Variants in CYP2B6 observed in about 807,000 individuals in gnomAD.
The protein encoded by CYP2B6 is cytochrome P450 2B6.
Under a neutral mutation model 43.4 loss-of-function variants are expected in CYP2B6, and 35 were observed. That is an observed-to-expected ratio of 0.81 (90% CI 0.62 to 1.07). CYP2B6 has a LOEUF of 1.07. Ranked by LOEUF, CYP2B6 falls within the 50% of genes least tolerant of loss-of-function variation. CYP2B6 has a pLI of 0.00. For missense variants in CYP2B6, 624 were observed against 632.8 expected, an observed-to-expected ratio of 0.99 and a Z score of 0.15; for synonymous variants, 239 against 239.2, an observed-to-expected ratio of 1.00 and a Z score of 0.01.
intron 1 of CYP2B6, among the ~76,000 whole-genome samples, chr19:40,996,990 G>A: frequency 6.6e-6 from 1 of 152,104 alleles, no homozygotes; most frequent in Non-Finnish European, 1.5e-5. Flanking sequence ...TGGGCATGAA[G>A]AGGTGTCTGG....
chr19:41,009,648 G>A (rs918449611), intron 5 of CYP2B6: 5 of 611,752 alleles, frequency 8.2e-6, no homozygotes, highest in Non-Finnish European at 1.4e-5. Context: ...AAAGACAGAG[G>A]GAGAGAGAGA....
chr19:41,013,656 C>G (rs1231382319), intron 8 of CYP2B6, among the ~76,000 whole-genome samples: 4 of 152,214 alleles, frequency 2.6e-5, no homozygotes, highest in Non-Finnish European at 5.9e-5. Context: ...GATTTATGGT[C>G]TAGCACTGGG....
chr19:41,009,532 A>G, intron 5 of CYP2B6, 137 bp downstream of exon 5: 1 of 954,084 alleles, frequency 1.0e-6, no homozygotes, highest in Non-Finnish European at 1.6e-6. Flanking sequence ...GAATAGGGAA[A>G]GGGAGGAGAG....
intron 6 of CYP2B6, among the ~76,000 whole-genome samples, chr19:41,010,887 A>G (rs146504460): frequency 1.3e-3 from 201 of 152,206 alleles, no homozygotes; most frequent in African/African-American, 4.7e-3. Flanking sequence ...GAGTGAGAAC[A>G]TGCAATATTT....
At chr19:41,007,243 T>A (rs1969206441) in intron 4 of CYP2B6, 178 bp downstream of exon 4, 1 of 645,020 alleles carries the variant, frequency 1.6e-6, no homozygotes, top group Non-Finnish European at 2.7e-6. Flanking sequence ...GAGACAGGGA[T>A]AGAGACACTG....
chr19:41,010,329 G>T (rs539428659), intron 6 of CYP2B6, among the ~76,000 whole-genome samples, 194 bp downstream of exon 6: 2 of 151,954 alleles, frequency 1.3e-5, no homozygotes, highest in Non-Finnish European at 2.9e-5. Context: ...CTGTCCATGC[G>T]TTCTCCCACT....
chr19:41,006,880 T>C (rs376972496), intron 3 of CYP2B6, 25 bp from the exon 4 acceptor site: 4 of 1,610,998 alleles, frequency 2.5e-6, no homozygotes, highest in East Asian at 2.2e-5. Flanking sequence ...TCAGTCTGTG[T>C]CCTTGACCTG....
chr19:41,006,336 T>A (rs1421721388), intron 3 of CYP2B6, among the ~76,000 whole-genome samples: 207 of 150,060 alleles, frequency 1.4e-3, no homozygotes, highest in African/African-American at 4.9e-3. Flanking sequence ...TTTTTTTTTT[T>A]TTTTTTTTGT....
At chr19:41,006,690 A>T (rs1373075987) in intron 3 of CYP2B6, among the ~76,000 whole-genome samples, 1 of 152,070 alleles carries the variant, frequency 6.6e-6, no homozygotes, top group Non-Finnish European at 1.5e-5. Context: ...GCCCATCTAT[A>T]AACTGGAGCT....
At chr19:41,013,060 T>C in intron 8 of CYP2B6, 1 of 523,914 alleles carries the variant, frequency 1.9e-6, no homozygotes, top group Non-Finnish European at 3.4e-6. Context: ...TAAACCTCAG[T>C]GAGTTCATTT....
chr19:41,005,798 AT>A (rs1201138749), intron 3 of CYP2B6, among the ~76,000 whole-genome samples: 172 of 152,048 alleles, frequency 1.1e-3, no homozygotes, highest in African/African-American at 4.0e-3. Context: ...AATAATAATA[AT>A]AATAAAATAA....
At chr19:40,998,727 A>G (rs1171212923) in intron 1 of CYP2B6, among the ~76,000 whole-genome samples, 1 of 134,718 alleles carries the variant, frequency 7.4e-6, no homozygotes, top group East Asian at 2.2e-4. Flanking sequence ...TTCCAATTTC[A>G]TCCATGTCCC....
intron 1 of CYP2B6, among the ~76,000 whole-genome samples, chr19:40,994,597 G>T (rs1335838663): frequency 6.6e-6 from 1 of 152,024 alleles, no homozygotes; most frequent in East Asian, 1.9e-4. Flanking sequence ...AAAGTGCTGG[G>T]ATTACAAGCA....
chr19:41,004,811 A>C (rs1402969075), intron 3 of CYP2B6, among the ~76,000 whole-genome samples: 1 of 152,016 alleles, frequency 6.6e-6, no homozygotes, highest in Non-Finnish European at 1.5e-5. Context: ...CAACATAATG[A>C]GATCCTGTCT....
At chr19:40,999,444 T>C (rs1307923250) in intron 1 of CYP2B6, among the ~76,000 whole-genome samples, 2 of 152,084 alleles carry the variant, frequency 1.3e-5, no homozygotes, top group African/African-American at 4.8e-5. Context: ...CATTTGTCAA[T>C]TTTGTCTTTT....
intron 6 of CYP2B6, 68 bp from the exon 7 acceptor site, chr19:41,012,230 A>G (rs558297896): frequency 2.3e-5 from 34 of 1,499,466 alleles, no homozygotes; most frequent in Non-Finnish European, 2.7e-5. Context: ...GATTACAGGC[A>G]TGAGCCACCA....
chr19:41,006,417 G>A (rs1243632095), intron 3 of CYP2B6, among the ~76,000 whole-genome samples: 5 of 146,926 alleles, frequency 3.4e-5, no homozygotes, highest in Admixed American at 7.0e-5. Flanking sequence ...GGCTCCCGAA[G>A]TGCTGGGTTT....
intron 1 of CYP2B6, among the ~76,000 whole-genome samples, chr19:40,995,826 A>G: frequency 6.6e-6 from 1 of 152,132 alleles, no homozygotes; most frequent in East Asian, 1.9e-4. Context: ...TTGCGGGACA[A>G]TCAAAGACTG....
chr19:41,003,237 C>A (rs1223307646), intron 1 of CYP2B6, among the ~76,000 whole-genome samples: 2 of 152,040 alleles, frequency 1.3e-5, no homozygotes, highest in Non-Finnish European at 2.9e-5. Context: ...TCTTCTGAGA[C>A]CCCCAGTGGA....
Sources: allele counts gnomAD v4.1 joint callset (sites outside exome capture counted in the v4.1 genomes callset), GRCh38; gene constraint gnomAD v4.1.1; transcripts MANE v1.5; gene names NCBI Gene and HGNC (gene_info 2026-07-23, HGNC 2026-07-21).